Variants in NME7 observed in about 807,000 individuals in gnomAD.
NME7 encodes nucleoside diphosphate kinase 7.
NME7 carries 41 observed loss-of-function variants against 49.1 expected under a neutral mutation model. The ratio of observed to expected loss-of-function variants is 0.83; its 90% CI spans 0.65 to 1.08. The LOEUF is 1.08. Among genes scored for constraint, NME7 ranks in the 50% least tolerant of loss-of-function variants. The pLI is 0.00. For synonymous variants in NME7, 139 were observed against 150.6 expected (o/e 0.92, Z 0.56); for missense variants, 423 against 463.4 (o/e 0.91, Z 0.80).
chr1:169,239,155 G>A (rs781036920), intron 7 of NME7, among the ~76,000 whole-genome samples: 6 of 151,952 alleles, frequency 3.9e-5, no homozygotes, highest in Non-Finnish European at 7.4e-5. Flanking sequence ...GGTCACTAAT[G>A]CAATAGTGAT....
intron 7 of NME7, 41 bp downstream of exon 7, chr1:169,287,262 C>CATTTTGTTAATTATTAA (rs1650311091): frequency 7.2e-7 from 1 of 1,379,510 alleles, no homozygotes; most frequent in East Asian, 2.3e-5. Context: ...ACATTGCTCT[C>CATTTTGTTAATTATTAA]CTATTAACAA....
intron 10 of NME7, among the ~76,000 whole-genome samples, chr1:169,212,153 CTCT>C (rs142062715): frequency 0.016 from 2,402 of 152,130 alleles, 61 homozygotes; most frequent in African/African-American, 0.052. Context: ...CAGCCACCTC[CTCT>C]TCAAGAGAAA....
intron 9 of NME7, among the ~76,000 whole-genome samples, chr1:169,232,808 A>C (rs1382937446): frequency 6.6e-6 from 1 of 152,022 alleles, no homozygotes; most frequent in Non-Finnish European, 1.5e-5. Context: ...AAAAATATAA[A>C]TCTATACAAA....
chr1:169,328,296 C>G (rs1652137909), intron 1 of NME7, among the ~76,000 whole-genome samples: 1 of 152,274 alleles, frequency 6.6e-6, no homozygotes, highest in Middle Eastern at 3.4e-3. Flanking sequence ...AAAATGGAAA[C>G]AGTACTTTCT....
intron 7 of NME7, among the ~76,000 whole-genome samples, chr1:169,241,653 T>C (rs1262561077): frequency 6.6e-6 from 1 of 151,736 alleles, no homozygotes; most frequent in African/African-American, 2.4e-5. Flanking sequence ...AAATTTTAAG[T>C]TCTAAATAAT....
At chr1:169,233,246 A>G (rs866525223) in intron 9 of NME7, among the ~76,000 whole-genome samples, 3 of 152,168 alleles carry the variant, frequency 2.0e-5, no homozygotes, top group Admixed American at 6.5e-5. Flanking sequence ...AGCTCTCTAT[A>G]TAAAGCTGTA....
At position 169,324,374 on chromosome 1, in the gene NME7, C is replaced by G. The variant is rs1366897898; in HGVS notation, c.111+19G>C. On this transcript the variant is annotated intron_variant, in intron 2 of 11. Transcript: ENST00000367811. ...TTCACCCCCTTTGCCAACATTCAAG[C>G]AAAGAAAGGCTTATTTACCATTTCA... is the stretch of plus-strand genomic sequence containing the variant. 6.5e-7 allele frequency: 1 copy of G among 1,531,492 alleles called. No homozygotes were observed. The highest frequency in any genetic ancestry group is 2.2e-5 in the East Asian group (1 of 44,492). The allele number at this position is 1,531,492 out of a possible 1,614,324, so 94.9% of individuals were successfully genotyped here. A position where few individuals can be genotyped will look rare whatever the true frequency, so the allele number is the denominator to read the frequency against.
At chr1:169,336,815 C>T (rs922562327) in intron 1 of NME7, among the ~76,000 whole-genome samples, 1 of 151,760 alleles carries the variant, frequency 6.6e-6, no homozygotes, top group African/African-American at 2.4e-5. Flanking sequence ...AAAGATTCTC[C>T]AAGGCCCCAC....
chr1:169,280,165 T>G (rs1649945992), intron 7 of NME7, among the ~76,000 whole-genome samples: 1 of 152,244 alleles, frequency 6.6e-6, no homozygotes, highest in African/African-American at 2.4e-5. Context: ...CTAACTGGTG[T>G]AAGATGGTAT....
intron 7 of NME7, among the ~76,000 whole-genome samples, chr1:169,251,621 A>C: frequency 7.0e-6 from 1 of 143,174 alleles, no homozygotes; most frequent in African/African-American, 2.6e-5. Context: ...CAGGTTAGTT[A>C]CATATGTATA....
chr1:169,164,525 G>A (rs759011420), intron 11 of NME7, among the ~76,000 whole-genome samples: 7 of 152,122 alleles, frequency 4.6e-5, no homozygotes, highest in African/African-American at 7.2e-5. Context: ...GGAAACCTAC[G>A]CATAGTGAGA....
intron 1 of NME7, among the ~76,000 whole-genome samples, chr1:169,332,897 T>A (rs1318436174): frequency 2.0e-5 from 3 of 152,166 alleles, no homozygotes; most frequent in Non-Finnish European, 4.4e-5. Context: ...ACAACCACTA[T>A]GGAGAACAGT....
At chr1:169,359,470 G>A (rs1377646494) in intron 1 of NME7, among the ~76,000 whole-genome samples, 2 of 151,636 alleles carry the variant, frequency 1.3e-5, no homozygotes, top group Non-Finnish European at 2.9e-5. Context: ...GTATCTCTGT[G>A]TGTGTGTGTA....
At position 169,138,235 on chromosome 1, in the gene NME7, C is replaced by G. The variant is rs138924413; in HGVS notation, c.1099-5418G>C. Reference sequence around the variant, plus strand: ...CTGAGGCAGGAGAATTGCTTGAACCCCGGGGGTGGAGGTTGCAGTGAGCTG... The same window carrying G: ...CTGAGGCAGGAGAATTGCTTGAACCGCGGGGGTGGAGGTTGCAGTGAGCTG... On this transcript the variant is annotated intron_variant, in intron 11 of 11. Coordinates refer to ENST00000367811, the MANE Select transcript of NME7 (RefSeq NM_013330.5). 2.5e-3 allele frequency among the ~76,000 whole-genome samples: 385 copies of G among 152,042 alleles called. 1 individual carries two copies. The highest frequency in any genetic ancestry group is 8.9e-3 in the African/African-American group (368 of 41,454).
intron 1 of NME7, among the ~76,000 whole-genome samples, chr1:169,342,558 T>C (rs1366911804): frequency 9.1e-6 from 1 of 110,100 alleles, no homozygotes; most frequent in Middle Eastern, 5.1e-3. Flanking sequence ...TATATATATA[T>C]ACAAGTACAT....
rs1263913078 is a variant in NME7, at chr1:169,291,264, T to A, written c.649-3856A>T. Among the ~76,000 whole-genome samples the A allele has an allele frequency of 2.0e-5, 3 of 152,160 alleles. No individual in the cohort carries two copies. The East Asian group carries it at 5.8e-4, about 29-fold the overall frequency. ...AGCAAAGACTTGGAACCAACCCAAA[T>A]GCCCATCAGTGATAGACTGGATAAA... On this transcript the variant is annotated intron_variant, in intron 6 of 11. Coordinates refer to ENST00000367811, the MANE Select transcript of NME7 (RefSeq NM_013330.5).
At chr1:169,252,381 G>T (rs970566842) in intron 7 of NME7, among the ~76,000 whole-genome samples, 1 of 152,054 alleles carries the variant, frequency 6.6e-6, no homozygotes, top group African/African-American at 2.4e-5. Context: ...GTCTGTTCAT[G>T]TCCTTCACCC....
chr1:169,305,951 T>C (rs1297063617), intron 4 of NME7, among the ~76,000 whole-genome samples: 1 of 152,184 alleles, frequency 6.6e-6, no homozygotes, highest in African/African-American at 2.4e-5. Context: ...AATAAAAATA[T>C]ATGAAGTGAT....
chr1:169,205,543 G>T (rs1486821164), intron 10 of NME7, among the ~76,000 whole-genome samples: 2 of 152,014 alleles, frequency 1.3e-5, no homozygotes, highest in Admixed American at 6.6e-5. Context: ...CCTCACAACC[G>T]GCTTATTCTT....
Sources: allele counts gnomAD v4.1 joint callset (sites outside exome capture counted in the v4.1 genomes callset), GRCh38; gene constraint gnomAD v4.1.1; transcripts MANE v1.5; gene names NCBI Gene and HGNC (gene_info 2026-07-23, HGNC 2026-07-21).